RAB22A: variants seen among roughly 807,000 people sequenced by gnomAD.
RAB22A encodes ras-related protein Rab-22A.
Under a neutral mutation model 30.2 loss-of-function variants are expected in RAB22A, and 13 were observed. The observed-to-expected ratio is 0.43, with a 90% CI of 0.28 to 0.68. RAB22A has a LOEUF of 0.68. Ranked by LOEUF, RAB22A falls within the 30% of genes least tolerant of loss-of-function variation. RAB22A has a pLI of 0.18. For missense variants in RAB22A, 177 were observed against 246.8 expected (o/e 0.72, Z 1.89); for synonymous variants, 89 against 87.2 (o/e 1.02, Z -0.11).
chr20:58,334,267 G>A (rs1719881410), intron 2 of RAB22A, among the ~76,000 whole-genome samples: 1 of 151,912 alleles, frequency 6.6e-6, no homozygotes, highest in Admixed American at 6.6e-5. Flanking sequence ...CCTGGGAGGT[G>A]GAGATTGCAG....
intron 3 of RAB22A, 45 bp downstream of exon 3, chr20:58,343,844 A>C (rs1568871073): frequency 6.9e-7 from 1 of 1,456,422 alleles, no homozygotes. Flanking sequence ...GGCCCAAATG[A>C]AAGTTCCAAC....
rs1322337724 is a variant in RAB22A at position 58,359,734 on chromosome 20, AAG to A, written c.*32_*33del. 1 of 1,557,140 alleles carries A rather than the reference AAG, an allele frequency of 6.4e-7. No individual in the cohort carries two copies. The highest frequency in any genetic ancestry group is 1.4e-5 in the African/African-American group (1 of 73,542). ...CCTCAGCCTCTCAGACTTGATGATG[AAG>A]TAGGTGGTCCTGAAAGTTAACAGGA... On this transcript the variant is annotated 3_prime_UTR_variant, in exon 7 of 7. Transcript: ENST00000244040.
intron 2 of RAB22A, among the ~76,000 whole-genome samples, chr20:58,338,911 A>G (rs1986808726): frequency 6.6e-6 from 1 of 152,190 alleles, no homozygotes; most frequent in Non-Finnish European, 1.5e-5. Context: ...TGTTAATTGT[A>G]AAATGTGCTG....
intron 2 of RAB22A, among the ~76,000 whole-genome samples, chr20:58,318,893 G>T (rs776947938): frequency 6.6e-6 from 1 of 152,138 alleles, no homozygotes; most frequent in Non-Finnish European, 1.5e-5. Context: ...GCCTACATTT[G>T]CACATTTGGG....
chr20:58,351,225 A>G (rs182278320), intron 3 of RAB22A, among the ~76,000 whole-genome samples: 212 of 152,106 alleles, frequency 1.4e-3, no homozygotes, highest in African/African-American at 5.0e-3. Context: ...AATCCCAGCT[A>G]CTTGGGAGAC....
rs890956534 is a variant in RAB22A, at chr20:58,362,855, G to T, written c.*3152G>T. 1 of 152,200 alleles carries T rather than the reference G, an allele frequency of 6.6e-6. No individual in the cohort carries two copies. The highest frequency in any genetic ancestry group is 2.4e-5 in the African/African-American group (1 of 41,452). The allele number at this position is 152,200 out of a possible 1,614,324, so 9.4% of individuals were successfully genotyped here. A position where few individuals can be genotyped will look rare whatever the true frequency, so the allele number is the denominator to read the frequency against. On this transcript the variant is annotated 3_prime_UTR_variant, in exon 7 of 7. Coordinates refer to ENST00000244040, the MANE Select transcript of RAB22A (RefSeq NM_020673.3). ...CACTTTCTGGATGTCTGGAAGGATC[G>T]GGACTTTTGTGTGAGAGGCTTGAGC...
chr20:58,357,281 T>G (rs1382894556), intron 6 of RAB22A, among the ~76,000 whole-genome samples: 1 of 152,258 alleles, frequency 6.6e-6, no homozygotes, highest in Non-Finnish European at 1.5e-5. Context: ...GTGAAGGGCC[T>G]GTTAAGTCTT....
Position 58,325,346 on chromosome 20 carries a change from A to G in RAB22A, c.116+14224A>G, listed in dbSNP as rs73616266. Among the ~76,000 whole-genome samples, 4 of 151,770 alleles carry G rather than the reference A, an allele frequency of 2.6e-5. No individual in the cohort carries two copies. The South Asian group carries it at 6.3e-4, about 24-fold the overall frequency. On this transcript the variant is annotated intron_variant, in intron 2 of 6. Coordinates refer to ENST00000244040, the MANE Select transcript of RAB22A (RefSeq NM_020673.3). Reference sequence around the variant, plus strand: ...ACAAAAATTAGCTGGGTGTGGTGGTACATGCCTGTAATCCCAGCTACTGGG... The same window carrying G: ...ACAAAAATTAGCTGGGTGTGGTGGTGCATGCCTGTAATCCCAGCTACTGGG...
chr20:58,330,480 C>G (rs905470422), intron 2 of RAB22A, among the ~76,000 whole-genome samples: 7 of 151,368 alleles, frequency 4.6e-5, no homozygotes, highest in African/African-American at 1.7e-4. Context: ...GTCACATTTT[C>G]TTGGATTATC....
intron 6 of RAB22A, among the ~76,000 whole-genome samples, chr20:58,355,231 C>T (rs1419772395): frequency 6.6e-6 from 1 of 152,154 alleles, no homozygotes; most frequent in African/African-American, 2.4e-5. Flanking sequence ...AACTCCAGAG[C>T]CCACCAAGGC....
rs753610377 is a variant in RAB22A at position 58,361,208 on chromosome 20, A to C, written c.*1505A>C. On this transcript the variant is annotated 3_prime_UTR_variant, in exon 7 of 7. Transcript: ENST00000244040. Reference sequence around the variant, plus strand: ...TAGGGGAAGGAAATTTACAAGATTTAATAGGAAATGAAACAGCTTGAATTT... The same window carrying C: ...TAGGGGAAGGAAATTTACAAGATTTCATAGGAAATGAAACAGCTTGAATTT... The C allele has an allele frequency of 4.6e-5, 7 of 152,644 alleles. No homozygotes were observed. The highest frequency in any genetic ancestry group is 2.6e-4 in the Admixed American group (4 of 15,288). 9.5% of individuals were successfully genotyped at this position (152,644 alleles called of 1,614,324 possible).
At position 58,363,525 on chromosome 20, in the gene RAB22A, C is replaced by G. The variant is rs1987264386; in HGVS notation, c.*3822C>G. ...AAATGACAAACTCAGGCTGGCTCTC[C>G]TCTCTAACCTCACTGGGCTATAAAT... On this transcript the variant is annotated 3_prime_UTR_variant, in exon 7 of 7. Transcript: ENST00000244040. 1 of 152,192 alleles carries G rather than the reference C, an allele frequency of 6.6e-6. No individual in the cohort carries two copies. Among genetic ancestry groups the G allele is most frequent in the South Asian group, 2.1e-4 (1 of 4,830 alleles). The allele number at this position is 152,192 out of a possible 1,614,324, so 9.4% of individuals were successfully genotyped here.
At chr20:58,310,919 C>G in intron 1 of RAB22A, 124 bp from the exon 2 acceptor site, 1 of 761,030 alleles carries the variant, frequency 1.3e-6, no homozygotes, top group Middle Eastern at 2.3e-4. Context: ...TTGTGTTCCT[C>G]CGTTTATAAA....
Position 58,309,790 on chromosome 20 carries a change from G to A in RAB22A, c.-187G>A, listed in dbSNP as rs1161590062. The A allele has an allele frequency of 4.7e-6, 2 of 429,420 alleles. No homozygotes were observed. Among genetic ancestry groups the A allele is most frequent in the South Asian group, 1.1e-4 (1 of 8,812 alleles). The allele number at this position is 429,420 out of a possible 1,614,324, so 26.6% of individuals were successfully genotyped here. A position where few individuals can be genotyped will look rare whatever the true frequency, so the allele number is the denominator to read the frequency against. On this transcript the variant is annotated 5_prime_UTR_variant, in exon 1 of 7. Coordinates refer to ENST00000244040, the MANE Select transcript of RAB22A (RefSeq NM_020673.3). Reference sequence around the variant, plus strand: ...GCCGCGGCGGCGTCCCGGCTGCTAAGGCGGGCCCCACGCGGCTGGCAGCGG... The same window carrying A: ...GCCGCGGCGGCGTCCCGGCTGCTAAAGCGGGCCCCACGCGGCTGGCAGCGG...
intron 2 of RAB22A, among the ~76,000 whole-genome samples, chr20:58,341,042 A>G (rs1312344762): frequency 6.6e-6 from 1 of 152,228 alleles, no homozygotes; most frequent in Non-Finnish European, 1.5e-5. Context: ...CACATGAGCC[A>G]AAGAAAAGAC....
intron 2 of RAB22A, among the ~76,000 whole-genome samples, chr20:58,322,444 A>G (rs992738791): frequency 6.6e-6 from 1 of 152,222 alleles, no homozygotes; most frequent in Non-Finnish European, 1.5e-5. Context: ...TTCAATCCTC[A>G]TAACAAATTT....
chr20:58,327,455 A>G (rs758889273), intron 2 of RAB22A, among the ~76,000 whole-genome samples: 2 of 152,222 alleles, frequency 1.3e-5, no homozygotes, highest in Non-Finnish European at 2.9e-5. Context: ...TGGAGGCCTC[A>G]GTTCCACAGT....
intron 2 of RAB22A, among the ~76,000 whole-genome samples, chr20:58,313,884 G>T (rs1323786873): frequency 6.6e-6 from 1 of 152,078 alleles, no homozygotes; most frequent in Non-Finnish European, 1.5e-5. Context: ...AACTTGAATA[G>T]TTGCAACTAA....
In RAB22A at chr20:58,362,309, T is replaced by C. The variant is rs1174038072; in HGVS notation, c.*2606T>C. On this transcript the variant is annotated 3_prime_UTR_variant, in exon 7 of 7. Coordinates refer to ENST00000244040, the MANE Select transcript of RAB22A (RefSeq NM_020673.3). Reference sequence around the variant, plus strand: ...TAAAGTCAGAAGCAGTGTTTCATTTTGAACACATTTTGGATTATTAAGCTG... The same window carrying C: ...TAAAGTCAGAAGCAGTGTTTCATTTCGAACACATTTTGGATTATTAAGCTG... The C allele has an allele frequency of 5.3e-5, 8 of 152,268 alleles. No individual in the cohort carries two copies. The highest frequency in any genetic ancestry group is 1.9e-4 in the African/African-American group (8 of 41,470). 9.4% of individuals were successfully genotyped at this position (152,268 alleles called of 1,614,324 possible).
Sources: gnomAD v4.1 joint callset for allele counts (sites outside exome capture counted in the v4.1 genomes callset) on GRCh38, gnomAD v4.1.1 for gene constraint, MANE v1.5 for transcripts, NCBI Gene and HGNC (gene_info 2026-07-23, HGNC 2026-07-21) for gene names.